Variants in FRY observed in about 807,000 individuals in gnomAD.
FRY encodes FRY microtubule binding protein.
In FRY, 128 loss-of-function variants were observed where a neutral mutation model predicts 348.4. The observed-to-expected ratio is 0.37, with a 90% CI of 0.32 to 0.43. The LOEUF is 0.43. FRY is among the 20% of genes least tolerant of loss of function. FRY has a pLI of 1.00. For missense variants in FRY, 2,736 were observed against 3,695.2 expected, an observed-to-expected ratio of 0.74 and a Z score of 6.73; for synonymous variants, 1,370 against 1,374.7, an observed-to-expected ratio of 1.00 and a Z score of 0.08.
chr13:32,224,036 C>T (rs1393171960), intron 36 of FRY, among the ~76,000 whole-genome samples, 199 bp from the exon 37 acceptor site: 1 of 151,968 alleles, frequency 6.6e-6, no homozygotes, highest in Non-Finnish European at 1.5e-5. Flanking sequence ...TGTAACCAGC[C>T]CTGCAGTGAG....
chr13:32,131,622 A>G (rs1430275430), intron 7 of FRY, 50 bp from the exon 8 acceptor site: 21 of 1,408,902 alleles, frequency 1.5e-5, no homozygotes, highest in Non-Finnish European at 2.1e-5. Flanking sequence ...CCCCCATTAC[A>G]GGGACTTTCC....
chr13:32,183,563 G>T (rs983995920), intron 24 of FRY, among the ~76,000 whole-genome samples: 1 of 151,982 alleles, frequency 6.6e-6, no homozygotes, highest in African/African-American at 2.4e-5. Flanking sequence ...AGATCAAGAA[G>T]TCAAGAGATC....
At chr13:32,291,385 T>C (rs961726553) in intron 59 of FRY, among the ~76,000 whole-genome samples, 4 of 151,800 alleles carry the variant, frequency 2.6e-5, no homozygotes, top group Non-Finnish European at 4.4e-5. Flanking sequence ...AAGATAAACT[T>C]TACTTTTTCT....
Position 32,149,854 on chromosome 13 carries a change from G to A in FRY, c.1479+20G>A, listed in dbSNP as rs532702290. The A allele has an allele frequency of 1.4e-6, 2 of 1,447,858 alleles. No homozygotes were observed. Among genetic ancestry groups the A allele is most frequent in the African/African-American group, 1.4e-5 (1 of 71,852 alleles). The allele number at this position is 1,447,858 out of a possible 1,614,324, so 89.7% of individuals were successfully genotyped here. ...CCAGAGGTATGAATGATCCTTTTAT[G>A]TACTTCTAACAGAGCATGTCTTCCG... On this transcript the variant is annotated intron_variant, in intron 14 of 60. Coordinates refer to ENST00000542859, the MANE Select transcript of FRY (RefSeq NM_023037.3).
chr13:32,249,504 G>A (rs935815343), intron 48 of FRY, 22 bp from the exon 49 acceptor site: 6 of 1,613,332 alleles, frequency 3.7e-6, no homozygotes, highest in Non-Finnish European at 5.1e-6. Context: ...ACAGAATAAT[G>A]TGCGTTTGTC....
chr13:32,261,529 G>A (rs1887648114), intron 51 of FRY, 87 bp from the exon 52 acceptor site: 1 of 1,114,542 alleles, frequency 9.0e-7, no homozygotes, highest in Middle Eastern at 1.9e-4. Context: ...GACAATATTT[G>A]TTCCCAAGCT....
At chr13:32,274,423 C>T (rs773979620) in intron 55 of FRY, among the ~76,000 whole-genome samples, 1 of 151,864 alleles carries the variant, frequency 6.6e-6, no homozygotes, top group Non-Finnish European at 1.5e-5. Flanking sequence ...GTAAAAAAAT[C>T]AGGGCCAGAC....
intron 2 of FRY, 147 bp downstream of exon 2, chr13:32,079,180 A>C (rs2138531349): frequency 2.8e-6 from 2 of 726,794 alleles, no homozygotes; most frequent in East Asian, 5.2e-5. Context: ...TAAAGATAAT[A>C]GTTAGGTTCC....
intron 17 of FRY, 66 bp downstream of exon 17, chr13:32,161,317 T>A (rs1285472457): frequency 3.1e-6 from 3 of 960,178 alleles, no homozygotes; most frequent in African/African-American, 3.2e-5. Flanking sequence ...GAAAAAAAAA[T>A]AGAATGGTAG....
At chr13:32,115,403 ATG>A (rs1445064798) in intron 3 of FRY, among the ~76,000 whole-genome samples, 1 of 152,162 alleles carries the variant, frequency 6.6e-6, no homozygotes, top group Non-Finnish European at 1.5e-5. Flanking sequence ...CAGTTCAAGC[ATG>A]TGTGTGAATT....
intron 49 of FRY, among the ~76,000 whole-genome samples, chr13:32,250,663 T>C (rs922996099): frequency 2.0e-5 from 3 of 151,944 alleles, no homozygotes; most frequent in Non-Finnish European, 4.4e-5. Context: ...CTTTCCGAGA[T>C]AAAAAGAGGG....
At chr13:32,217,508 C>A (rs1885065038) in intron 35 of FRY, among the ~76,000 whole-genome samples, 1 of 152,108 alleles carries the variant, frequency 6.6e-6, no homozygotes. Context: ...CCCCAAATAA[C>A]CCTAATTAAA....
At position 32,261,724 on chromosome 13, in the gene FRY, C is replaced by G. The variant is rs1887657835; in HGVS notation, c.7525C>G (p.Pro2509Ala). ...LEERQLSGSTPSLNKMHHEDS... is the reference protein window; with the variant it reads ...LEERQLSGSTASLNKMHHEDS... The stretch of plus-strand genomic sequence containing the variant: ...GGAGCGCCAACTGTCAGGAAGCACT[C>G]CTAGCCTGAATAAAATGCACCATGA... Residue 2509 changes from proline (P) to alanine (A), a missense_variant, in exon 52 of 61, where the codon CCT becomes GCT. Pro to Ala is a conservative substitution (Grantham distance 27). Coordinates refer to ENST00000542859, the MANE Select transcript of FRY (RefSeq NM_023037.3). The G allele has an allele frequency of 1.9e-6, 3 of 1,613,968 alleles. No individual in the cohort carries two copies. Among genetic ancestry groups the G allele is most frequent in the East Asian group, 4.5e-5 (2 of 44,896 alleles).
chr13:32,181,575 C>CAA (rs35272711), intron 23 of FRY, among the ~76,000 whole-genome samples: 2,483 of 58,728 alleles, frequency 0.042, 58 homozygotes, highest in East Asian at 0.097. Flanking sequence ...ACTCCGTCAC[C>CAA]AAAAAAAAAA....
intron 51 of FRY, chr13:32,261,402 A>AT (rs1566176786): frequency 1.3e-6 from 1 of 743,762 alleles, no homozygotes; most frequent in Non-Finnish European, 2.5e-6. Flanking sequence ...GTATGTAATC[A>AT]TTTCTGCCTA....
At chr13:32,267,094 G>A in intron 54 of FRY, 76 bp from the exon 55 acceptor site, 1 of 1,358,716 alleles carries the variant, frequency 7.4e-7, no homozygotes, top group Admixed American at 1.7e-5. Context: ...CTGACTCTCA[G>A]GGTGAGAATT....
At chr13:32,260,284 G>A (rs1887561332) in intron 51 of FRY, among the ~76,000 whole-genome samples, 1 of 152,136 alleles carries the variant, frequency 6.6e-6, no homozygotes, top group Non-Finnish European at 1.5e-5. Context: ...TGAACCATCA[G>A]GCAGTGTTTC....
chr13:32,130,067 T>C (rs1340460904), intron 7 of FRY, among the ~76,000 whole-genome samples: 1 of 151,068 alleles, frequency 6.6e-6, no homozygotes, highest in Non-Finnish European at 1.5e-5. Context: ...TTTTTTTTTT[T>C]TTTTTTCCGG....
chr13:32,137,986 A>C (rs1879827065), intron 11 of FRY, among the ~76,000 whole-genome samples: 1 of 152,236 alleles, frequency 6.6e-6, no homozygotes, highest in Non-Finnish European at 1.5e-5. Context: ...CCAAGATTAG[A>C]ATCATTCATT....
Sources: allele counts gnomAD v4.1 joint callset (sites outside exome capture counted in the v4.1 genomes callset), GRCh38; gene constraint gnomAD v4.1.1; transcripts MANE v1.5; gene names NCBI Gene and HGNC (gene_info 2026-07-23, HGNC 2026-07-21).